The following VRK2 variants were observed in gnomAD, a reference collection of about 807,000 sequenced individuals.
VRK2 encodes the protein VRK serine/threonine kinase 2.
A neutral mutation model predicts 57.6 loss-of-function variants in VRK2; 60 were observed. That is an observed-to-expected ratio of 1.04 (90% CI 0.85 to 1.29). The LOEUF is 1.29. VRK2 is among the 50% of genes most tolerant of loss of function. The pLI, the probability that VRK2 is intolerant of heterozygous loss-of-function variation, is 0.00. For synonymous variants in VRK2, 231 were observed against 199.2 expected (o/e 1.16, Z -1.35); for missense variants, 705 against 588.1 (o/e 1.20, Z -2.06).
chr2:58,146,479 G>C lies in VRK2; in HGVS notation c.1182+5G>C, dbSNP rs765557707. The C allele has an allele frequency of 3.1e-6, 5 of 1,605,194 alleles. No homozygotes were observed. In the East Asian group the frequency reaches 1.1e-4, roughly 36 times the overall value. On this transcript the variant is annotated splice_donor_5th_base_variant and intron_variant, in intron 12 of 12. Transcript: ENST00000340157. ...ATGAACAATGAAGCAGCTCAGGTGAGAGGGTTGTTTGTGTGTGTTTTTTCT... is the reference window on the plus strand; with the variant it reads ...ATGAACAATGAAGCAGCTCAGGTGACAGGGTTGTTTGTGTGTGTTTTTTCT...
At chr2:58,045,915 C>G (rs1674706520), upstream of VRK2, among the ~76,000 whole-genome samples, 1 of 152,198 alleles carries the variant, frequency 6.6e-6, no homozygotes, top group Admixed American at 6.5e-5. Context: ...GCGCTCTCTG[C>G]TCACTGCAAT....
At chr2:58,158,239 A>AT (rs1014397100) in intron 12 of VRK2, among the ~76,000 whole-genome samples, 2 of 152,210 alleles carry the variant, frequency 1.3e-5, no homozygotes, top group Non-Finnish European at 2.9e-5. Context: ...TTATTCACTT[A>AT]TTTTGACTTT....
chr2:58,023,720 G>C (rs1673833519), intron 1 of VRK2, among the ~76,000 whole-genome samples: 1 of 152,062 alleles, frequency 6.6e-6, no homozygotes, highest in Non-Finnish European at 1.5e-5. Flanking sequence ...AGCAGTCAAA[G>C]ATACACATTA....
chr2:57,930,753 C>T (rs1008372088), intron 1 of VRK2, among the ~76,000 whole-genome samples: 3 of 152,104 alleles, frequency 2.0e-5, no homozygotes, highest in Non-Finnish European at 4.4e-5. Flanking sequence ...CTCCCCCAGC[C>T]CACACCCAAA....
At chr2:57,972,715 CAT>C (rs1330205197) in intron 1 of VRK2, among the ~76,000 whole-genome samples, 3 of 151,934 alleles carry the variant, frequency 2.0e-5, no homozygotes, top group Admixed American at 6.6e-5. Context: ...AGAAACGAAA[CAT>C]ATAAATTTGT....
chr2:58,152,556 A>T (rs1222234612), intron 12 of VRK2, among the ~76,000 whole-genome samples: 1 of 151,792 alleles, frequency 6.6e-6, no homozygotes, highest in Admixed American at 6.6e-5. Flanking sequence ...GAAATTCTTT[A>T]TTCCTTCAAT....
At chr2:58,081,909 T>G (rs2104116399) in intron 2 of VRK2, among the ~76,000 whole-genome samples, 2 of 150,772 alleles carry the variant, frequency 1.3e-5, no homozygotes, top group African/African-American at 4.9e-5. Context: ...TTTCGTCATT[T>G]AATTTCACTA....
chr2:58,014,194 T>A (rs1673503945), intron 1 of VRK2, among the ~76,000 whole-genome samples: 1 of 152,218 alleles, frequency 6.6e-6, no homozygotes, highest in Admixed American at 6.5e-5. Context: ...TATTATATTG[T>A]AATCTGCTCT....
intron 4 of VRK2, among the ~76,000 whole-genome samples, 192 bp from the exon 5 acceptor site, chr2:58,086,147 A>T (rs1427237644): frequency 6.6e-6 from 1 of 151,714 alleles, no homozygotes. Flanking sequence ...TAATTTAAAA[A>T]TTTCTAATTT....
At chr2:57,998,559 G>T (rs1343015122) in intron 1 of VRK2, among the ~76,000 whole-genome samples, 1 of 152,020 alleles carries the variant, frequency 6.6e-6, no homozygotes, top group East Asian at 1.9e-4. Flanking sequence ...TTCTTTAAAG[G>T]TTATTAACAT....
At chr2:58,075,711 C>G (rs1295357318) in intron 2 of VRK2, among the ~76,000 whole-genome samples, 1 of 152,122 alleles carries the variant, frequency 6.6e-6, no homozygotes, top group Non-Finnish European at 1.5e-5. Flanking sequence ...TTCCTGTACC[C>G]TACTTAGGTG....
At chr2:58,139,873 TG>T in intron 11 of VRK2, 41 bp downstream of exon 11, 1 of 1,516,940 alleles carries the variant, frequency 6.6e-7, no homozygotes. Context: ...TTACCTTCTA[TG>T]ATACTTTTCT....
At chr2:57,993,819 G>T (rs868513993) in intron 1 of VRK2, among the ~76,000 whole-genome samples, 3 of 152,144 alleles carry the variant, frequency 2.0e-5, no homozygotes, top group Non-Finnish European at 4.4e-5. Context: ...CCACCAGAGC[G>T]CAATGCATAG....
intron 1 of VRK2, among the ~76,000 whole-genome samples, chr2:57,923,977 ACTTTC>A (rs1292412343): frequency 6.6e-6 from 1 of 151,836 alleles, no homozygotes; most frequent in Non-Finnish European, 1.5e-5. Context: ...TATTGAAGAG[ACTTTC>A]CTTTCCATAA....
chr2:57,942,280 T>C (rs1290787488), intron 1 of VRK2, among the ~76,000 whole-genome samples: 1 of 152,212 alleles, frequency 6.6e-6, no homozygotes, highest in Non-Finnish European at 1.5e-5. Flanking sequence ...CAGTGAAATA[T>C]TCGTGCCAAA....
intron 1 of VRK2, among the ~76,000 whole-genome samples, chr2:57,999,801 G>A (rs1673035804): frequency 6.6e-6 from 1 of 152,176 alleles, no homozygotes; most frequent in Admixed American, 6.5e-5. Flanking sequence ...GTATAAGGTA[G>A]TTAAAGTAGA....
intron 7 of VRK2, among the ~76,000 whole-genome samples, chr2:58,109,396 T>C (rs1417828885): frequency 5.3e-5 from 8 of 152,012 alleles, no homozygotes; most frequent in Admixed American, 5.2e-4. Context: ...TGCCTTGTGC[T>C]TAAAAGGATC....
intron 1 of VRK2, among the ~76,000 whole-genome samples, chr2:57,998,785 A>G (rs1673000636): frequency 6.6e-6 from 1 of 152,182 alleles, no homozygotes; most frequent in Non-Finnish European, 1.5e-5. Context: ...GATTAGTACA[A>G]TTAGTCACAG....
At chr2:58,006,958 G>A (rs1673266133) in intron 1 of VRK2, among the ~76,000 whole-genome samples, 1 of 152,202 alleles carries the variant, frequency 6.6e-6, no homozygotes, top group African/African-American at 2.4e-5. Flanking sequence ...ATGAGGGCAA[G>A]GCTGGGTCCC....
Sources: gnomAD v4.1 joint callset for allele counts (sites outside exome capture counted in the v4.1 genomes callset) on GRCh38, gnomAD v4.1.1 for gene constraint, MANE v1.5 for transcripts, NCBI Gene and HGNC (gene_info 2026-07-23, HGNC 2026-07-21) for gene names.